The following MYOF variants were observed in gnomAD, a reference collection of about 807,000 sequenced individuals.
MYOF encodes fer-1-like 3, myoferlin.
A neutral mutation model predicts 284.2 loss-of-function variants in MYOF; 244 were observed. The observed-to-expected ratio is 0.86, with a 90% CI of 0.77 to 0.95. The LOEUF (loss-of-function observed/expected upper bound fraction) is 0.95, where lower values mean the gene tolerates loss of function less well. Among genes scored for constraint, MYOF ranks in the 40% least tolerant of loss-of-function variants. MYOF has a pLI of 0.00. For missense variants in MYOF, 2,496 were observed against 2,560.6 expected (o/e 0.97, Z 0.54); for synonymous variants, 904 against 919.7 (o/e 0.98, Z 0.31).
chr10:93,316,409 A>G (rs929761826), intron 50 of MYOF, among the ~76,000 whole-genome samples: 1 of 151,796 alleles, frequency 6.6e-6, no homozygotes, highest in Non-Finnish European at 1.5e-5. Flanking sequence ...TGCTGAGGAG[A>G]GAGTGGCTGG....
chr10:93,472,753 C>T (rs2057178016), intron 1 of MYOF, among the ~76,000 whole-genome samples: 1 of 152,224 alleles, frequency 6.6e-6, no homozygotes, highest in Non-Finnish European at 1.5e-5. Flanking sequence ...CCTACTTTGG[C>T]AATGCCTTCA....
At chr10:93,471,599 G>A (rs562281431) in intron 1 of MYOF, among the ~76,000 whole-genome samples, 44 of 152,226 alleles carry the variant, frequency 2.9e-4, no homozygotes, top group African/African-American at 9.4e-4. Flanking sequence ...TCCTAAAAAC[G>A]AAATGAAGGC....
intron 12 of MYOF, 95 bp from the exon 13 acceptor site, chr10:93,399,590 CA>C (rs1679340022): frequency 1.2e-6 from 1 of 816,936 alleles, no homozygotes. Flanking sequence ...ATAGTTGCAA[CA>C]GGCTAGGCGC....
At chr10:93,426,400 G>T (rs532936882) in intron 4 of MYOF, among the ~76,000 whole-genome samples, 1 of 152,152 alleles carries the variant, frequency 6.6e-6, no homozygotes. Flanking sequence ...TCCTTGCTAA[G>T]GGGCCACCTC....
At chr10:93,452,727 A>G (rs1421727536) in intron 2 of MYOF, among the ~76,000 whole-genome samples, 2 of 152,170 alleles carry the variant, frequency 1.3e-5, no homozygotes, top group South Asian at 2.1e-4. Flanking sequence ...AAAAAAATTA[A>G]AAAAGAATAA....
chr10:93,364,087 G>A lies in MYOF; in HGVS notation c.2754-12C>T, dbSNP rs1309420804. On this transcript the variant is annotated splice_polypyrimidine_tract_variant and intron_variant, in intron 26 of 53. Coordinates refer to ENST00000359263, the MANE Select transcript of MYOF (RefSeq NM_013451.4). ...CCTCAGTCAGCAAGCTGTGGGGCGGGGAGGGCTCAAGTTACCCAAGGAGAC... is the reference window on the plus strand; with the variant it reads ...CCTCAGTCAGCAAGCTGTGGGGCGGAGAGGGCTCAAGTTACCCAAGGAGAC... The A allele has an allele frequency of 2.5e-6, 4 of 1,612,346 alleles. No homozygotes were observed. In the Admixed American group the frequency reaches 6.7e-5, roughly 27 times the overall value.
At position 93,482,298 on chromosome 10, in the gene MYOF, G is replaced by C. The variant is rs1372441541; in HGVS notation, c.-104C>G. On this transcript the variant is annotated 5_prime_UTR_variant, in exon 1 of 54. Coordinates refer to ENST00000359263, the MANE Select transcript of MYOF (RefSeq NM_013451.4). ...GGGAGAGAAGTTCTCTCCCAGTGAA[G>C]GGAGGATTTCTCCCAGGGCAAGGAA... 13 of 1,009,618 alleles carry C rather than the reference G, an allele frequency of 1.3e-5. No homozygotes were observed. The South Asian group carries it at 1.9e-4, about 15-fold the overall frequency. 62.5% of individuals were successfully genotyped at this position (1,009,618 alleles called of 1,614,324 possible). A position where few individuals can be genotyped will look rare whatever the true frequency, so the allele number is the denominator to read the frequency against.
intron 1 of MYOF, among the ~76,000 whole-genome samples, chr10:93,473,888 CT>C (rs930749142): frequency 3.1e-4 from 47 of 152,152 alleles, no homozygotes; most frequent in African/African-American, 1.0e-3. Context: ...TCAAAGATCA[CT>C]TTGTATTTCT....
In MYOF at chr10:93,409,722, C is replaced by T. The variant is rs760155665; in HGVS notation, c.451G>A (p.Glu151Lys). 2 of 1,614,168 alleles carry T rather than the reference C, an allele frequency of 1.2e-6. No homozygotes were observed. The highest frequency in any genetic ancestry group is 1.7e-6 in the Non-Finnish European group (2 of 1,180,036). Residue 151 changes from glutamate (E) to lysine (K), a missense_variant, in exon 6 of 54, where the codon GAA (glutamate) becomes AAA (lysine). Physicochemically the swap from Glu to Lys is moderately conservative, Grantham distance 56. This residue lies in a region of MYOF where 2,436 missense variants were observed against 2,480.7 expected (regional missense o/e 0.98). Transcript: ENST00000359263. Reference protein sequence around the residue: ...PGMGGDGEEDEGDEDRLDNAV... With the variant: ...PGMGGDGEEDKGDEDRLDNAV... ...TTGTCCAACCTGTCTTCATCACCTT[C>T]ATCTTCTTCCCCATCTCCTAAAATA...
chr10:93,346,823 C>T (rs1031663095), intron 37 of MYOF, among the ~76,000 whole-genome samples: 2 of 152,172 alleles, frequency 1.3e-5, no homozygotes, highest in African/African-American at 4.8e-5. Flanking sequence ...GGGAACATGC[C>T]TTTCTTGGTC....
intron 48 of MYOF, among the ~76,000 whole-genome samples, chr10:93,322,330 C>T (rs1296148356): frequency 6.6e-6 from 1 of 152,176 alleles, no homozygotes; most frequent in Non-Finnish European, 1.5e-5. Flanking sequence ...GTCCTAAATG[C>T]TTTGGATAAC....
At chr10:93,371,627 C>A (rs1845593447) in intron 24 of MYOF, among the ~76,000 whole-genome samples, 1 of 152,122 alleles carries the variant, frequency 6.6e-6, no homozygotes, top group South Asian at 2.1e-4. Context: ...GTTATTGTTA[C>A]AGTTAAATCA....
Position 93,360,106 on chromosome 10 carries a change from G to A in MYOF, c.2975-128C>T, listed in dbSNP as rs1341406936. On this transcript the variant is annotated intron_variant, in intron 28 of 53. Coordinates refer to ENST00000359263, the MANE Select transcript of MYOF (RefSeq NM_013451.4). ...TCTGTACTATCATGACCGAATATGTGGCTGTTTTCACTTTGCTGGGTTATT... is the reference window on the plus strand; with the variant it reads ...TCTGTACTATCATGACCGAATATGTAGCTGTTTTCACTTTGCTGGGTTATT... The A allele has an allele frequency of 5.2e-6, 6 of 1,160,974 alleles. No homozygotes were observed. In the East Asian group the frequency reaches 1.2e-4, roughly 23 times the overall value. The allele number at this position is 1,160,974 out of a possible 1,614,324, so 71.9% of individuals were successfully genotyped here.
chr10:93,315,928 C>T (rs1468636741), intron 50 of MYOF, among the ~76,000 whole-genome samples: 2 of 151,240 alleles, frequency 1.3e-5, no homozygotes, highest in African/African-American at 4.9e-5. Flanking sequence ...CAAGGCCAGC[C>T]TGGGCAACAT....
At chr10:93,444,374 T>C (rs1410275070) in intron 3 of MYOF, among the ~76,000 whole-genome samples, 3 of 152,174 alleles carry the variant, frequency 2.0e-5, no homozygotes, top group African/African-American at 7.2e-5. Flanking sequence ...AACAAATGAA[T>C]AAGTAAATAG....
chr10:93,464,642 A>T (rs1193765119), intron 1 of MYOF, among the ~76,000 whole-genome samples: 1 of 152,146 alleles, frequency 6.6e-6, no homozygotes, highest in African/African-American at 2.4e-5. Flanking sequence ...ATATAAACTG[A>T]TGCATTCAGA....
chr10:93,438,047 G>A (rs1464251270), intron 3 of MYOF, among the ~76,000 whole-genome samples: 1 of 151,988 alleles, frequency 6.6e-6, no homozygotes, highest in Non-Finnish European at 1.5e-5. Context: ...ACCCCCATCC[G>A]TGAGATCTGA....
intron 28 of MYOF, among the ~76,000 whole-genome samples, chr10:93,360,468 A>G (rs569948052): frequency 6.6e-6 from 1 of 152,244 alleles, no homozygotes; most frequent in Non-Finnish European, 1.5e-5. Context: ...TATGCAAAGC[A>G]TTAGGGCCAT....
Position 93,364,335 on chromosome 10 carries a change from A to G in MYOF, c.2754-260T>C, listed in dbSNP as rs528864684. On this transcript the variant is annotated intron_variant, in intron 26 of 53. Coordinates refer to ENST00000359263, the MANE Select transcript of MYOF (RefSeq NM_013451.4). ...ACAAGGTTGCTCCTTCTCAGTAATG[A>G]GGATGGGGTCTGGGAAAACAGTATT... is the stretch of plus-strand genomic sequence containing the variant. Among the ~76,000 whole-genome samples the G allele has an allele frequency of 2.0e-5, 3 of 152,390 alleles. No homozygotes were observed. In the South Asian group the frequency reaches 6.2e-4, roughly 32 times the overall value.
Sources: gnomAD v4.1 joint callset for allele counts (sites outside exome capture counted in the v4.1 genomes callset) on GRCh38, gnomAD v4.1.1 for gene constraint, gnomAD v4.1.1 regional missense constraint, MANE v1.5 for transcripts, NCBI Gene and HGNC (gene_info 2026-07-23, HGNC 2026-07-21) for gene names.